The following CHL1 variants were observed in gnomAD, a reference collection of about 807,000 sequenced individuals.
The protein encoded by CHL1 is neural cell adhesion molecule L1-like protein.
A neutral mutation model predicts 141.9 loss-of-function variants in CHL1; 96 were observed. That is an observed-to-expected ratio of 0.68 (90% CI 0.57 to 0.80). The LOEUF (loss-of-function observed/expected upper bound fraction) is 0.80, where lower values mean the gene tolerates loss of function less well. Among genes scored for constraint, CHL1 ranks in the 30% least tolerant of loss-of-function variants. The pLI is 0.00. For synonymous variants in CHL1, 613 were observed against 502.2 expected (o/e 1.22, Z -2.95); for missense variants, 1,820 against 1,457.2 (o/e 1.25, Z -4.05).
intron 5 of CHL1, among the ~76,000 whole-genome samples, chr3:335,086 C>T (rs561332765): frequency 6.6e-6 from 1 of 152,158 alleles, no homozygotes; most frequent in Non-Finnish European, 1.5e-5. Flanking sequence ...TTTGTGTTAA[C>T]ATACTTCCTC....
At chr3:352,209 C>T (rs1178646657) in intron 10 of CHL1, among the ~76,000 whole-genome samples, 1 of 152,046 alleles carries the variant, frequency 6.6e-6, no homozygotes, top group African/African-American at 2.4e-5. Context: ...AAATAACAAA[C>T]CTATTTCTAA....
intron 15 of CHL1, among the ~76,000 whole-genome samples, chr3:375,319 C>G (rs1295043549): frequency 6.6e-6 from 1 of 151,902 alleles, no homozygotes; most frequent in African/African-American, 2.4e-5. Flanking sequence ...GTGGGAGAGA[C>G]CACTGTAGCA....
intron 1 of CHL1, chr3:197,841 T>A (rs747725860): frequency 2.2e-6 from 1 of 454,398 alleles, no homozygotes; most frequent in Non-Finnish European, 4.4e-6. Context: ...GATGGTCCCT[T>A]CTTCCTCTTT....
intron 19 of CHL1, among the ~76,000 whole-genome samples, chr3:384,930 T>G (rs1049589115): frequency 6.6e-6 from 1 of 152,226 alleles, no homozygotes; most frequent in Non-Finnish European, 1.5e-5. Flanking sequence ...TTAGTCAATA[T>G]TTTTTAGATC....
chr3:240,916 G>C (rs3872653), intron 1 of CHL1, among the ~76,000 whole-genome samples: 77,073 of 151,840 alleles, frequency 0.51, 21,204 homozygotes, highest in Non-Finnish European at 0.62. Context: ...TAAGTATTTG[G>C]GTTTATTTCT....
intron 3 of CHL1, among the ~76,000 whole-genome samples, chr3:321,218 G>C (rs1443513801): frequency 1.3e-5 from 2 of 152,004 alleles, no homozygotes; most frequent in East Asian, 3.9e-4. Flanking sequence ...CCCCCAGGTA[G>C]AAATCCCTTC....
Position 382,586 on chromosome 3 carries a change from A to G in CHL1, c.2091A>G (p.Arg697=), listed in dbSNP as rs1707179728. The G allele has an allele frequency of 6.2e-7, 1 of 1,613,990 alleles. No homozygotes were observed. Residue 697 remains arginine, a synonymous_variant, in exon 18 of 28, where the codon AGA becomes AGG. Transcript: ENST00000256509. ...TCTTACCTTTGGCTCCATTTGTGAG[A>G]TACCAGTTCAGGGTCATAGCCGTGA... ...TVILPLAPFV[R]YQFRVIAVNE... is the part of the protein sequence containing the mutation.
intron 12 of CHL1, among the ~76,000 whole-genome samples, chr3:360,790 G>A (rs1559308167): frequency 7.6e-6 from 1 of 131,332 alleles, no homozygotes; most frequent in Non-Finnish European, 1.5e-5. Context: ...CCCTTCCTGT[G>A]TCCATGTGAT....
chr3:280,999 AT>A (rs1696597164), intron 2 of CHL1, among the ~76,000 whole-genome samples: 1 of 152,114 alleles, frequency 6.6e-6, no homozygotes. Flanking sequence ...TAACCCAGTA[AT>A]TCCCAACTGG....
chr3:305,751 T>A (rs992676019), intron 2 of CHL1, among the ~76,000 whole-genome samples: 1 of 151,746 alleles, frequency 6.6e-6, no homozygotes, highest in African/African-American at 2.4e-5. Context: ...ATATCTTAAA[T>A]GTTTTCTGGC....
chr3:331,049 A>G (rs1472658785), intron 5 of CHL1, among the ~76,000 whole-genome samples: 2 of 152,148 alleles, frequency 1.3e-5, no homozygotes, highest in Non-Finnish European at 2.9e-5. Flanking sequence ...ATGGACTTCC[A>G]CCTCATATCA....
At chr3:333,124 A>ATTC (rs1701576115) in intron 5 of CHL1, among the ~76,000 whole-genome samples, 1 of 83,314 alleles carries the variant, frequency 1.2e-5, no homozygotes, top group African/African-American at 4.6e-5. Flanking sequence ...TAATTGCTCT[A>ATTC]TTTTTTTTAT....
At chr3:263,190 A>G (rs1208934143) in intron 2 of CHL1, among the ~76,000 whole-genome samples, 3 of 152,046 alleles carry the variant, frequency 2.0e-5, no homozygotes, top group Non-Finnish European at 4.4e-5. Flanking sequence ...ATTGACCCCA[A>G]CTTCTGTCCA....
chr3:265,119 T>A (rs1695043668), intron 2 of CHL1, among the ~76,000 whole-genome samples: 1 of 152,222 alleles, frequency 6.6e-6, no homozygotes, highest in Admixed American at 6.5e-5. Context: ...TATTTCTTAT[T>A]TTCATAGGAT....
At chr3:231,578 T>C (rs1359529337) in intron 1 of CHL1, among the ~76,000 whole-genome samples, 2 of 142,932 alleles carry the variant, frequency 1.4e-5, no homozygotes, top group African/African-American at 5.1e-5. Flanking sequence ...TTTCTTCCTT[T>C]TTTTTTTTTT....
intron 2 of CHL1, among the ~76,000 whole-genome samples, chr3:280,128 C>T (rs189272751): frequency 1.3e-5 from 2 of 151,836 alleles, no homozygotes; most frequent in Admixed American, 6.6e-5. Context: ...GGTGAAGTGT[C>T]ATGTAATATC....
At chr3:209,777 G>T (rs1699746277) in intron 1 of CHL1, among the ~76,000 whole-genome samples, 1 of 152,152 alleles carries the variant, frequency 6.6e-6, no homozygotes, top group African/African-American at 2.4e-5. Context: ...TGTTCTCATT[G>T]AACAGAACCC....
intron 2 of CHL1, among the ~76,000 whole-genome samples, chr3:305,642 G>C (rs1699161842): frequency 6.6e-6 from 1 of 150,954 alleles, no homozygotes; most frequent in East Asian, 1.9e-4. Flanking sequence ...AAAAATAATA[G>C]ATATATCATT....
chr3:354,638 A>G lies in CHL1; in HGVS notation c.1034-2A>G. 4 of 1,610,728 alleles carry G rather than the reference A, an allele frequency of 2.5e-6. No homozygotes were observed. Among genetic ancestry groups the G allele is most frequent in the Non-Finnish European group, 3.4e-6 (4 of 1,178,652 alleles). On this transcript the variant is annotated splice_acceptor_variant, in intron 10 of 27. Transcript: ENST00000256509. LOFTEE classifies it high-confidence loss of function. ...CTCATGAGCTCTTCACTTTACATCC[A>G]GAGCCTCCTCGCTGGACAAAGAAGC...
Sources: gnomAD v4.1 joint callset for allele counts (sites outside exome capture counted in the v4.1 genomes callset) on GRCh38, gnomAD v4.1.1 for gene constraint, MANE v1.5 for transcripts, NCBI Gene and HGNC (gene_info 2026-07-23, HGNC 2026-07-21) for gene names.